The following GCNT2 variants were observed in gnomAD, a reference collection of about 807,000 sequenced individuals.
GCNT2 encodes the protein N-acetyllactosaminide beta-1,6-N-acetylglucosaminyl-transferase.
A neutral mutation model predicts 34.2 loss-of-function variants in GCNT2; 34 were observed. The ratio of observed to expected loss-of-function variants is 1.00; its 90% CI spans 0.76 to 1.32. The LOEUF is 1.32. GCNT2 is among the 40% of genes most tolerant of loss of function. The probability of loss-of-function intolerance (pLI) is 0.00; values close to 1 mark genes in which losing one functional copy is unlikely to be tolerated. For synonymous variants in GCNT2, 212 were observed against 188.0 expected (o/e 1.13, Z -1.04); for missense variants, 584 against 489.4 (o/e 1.19, Z -1.82).
At chr6:10,532,591 C>T (rs754351069) in intron 3 of GCNT2, among the ~76,000 whole-genome samples, 5 of 152,186 alleles carry the variant, frequency 3.3e-5, no homozygotes, top group Non-Finnish European at 5.9e-5. Flanking sequence ...CAGGCTCAAG[C>T]CTTCCAAGAG....
chr6:10,586,163 CTT>C (rs746491232), intron 3 of GCNT2: 1 of 1,614,166 alleles, frequency 6.2e-7, no homozygotes, highest in South Asian at 1.1e-5. Context: ...AAATGCCAGT[CTT>C]TTTGTGGGAA....
chr6:10,533,513 TGTG>T (rs1761596778), intron 3 of GCNT2, among the ~76,000 whole-genome samples: 1 of 151,534 alleles, frequency 6.6e-6, no homozygotes, highest in Non-Finnish European at 1.5e-5. Context: ...TTATGCCAGG[TGTG>T]GTGGCTCTCG....
At chr6:10,538,529 A>G (rs1761887941) in intron 3 of GCNT2, among the ~76,000 whole-genome samples, 1 of 149,782 alleles carries the variant, frequency 6.7e-6, no homozygotes, top group Non-Finnish European at 1.5e-5. Context: ...TTAAATATAA[A>G]CCCTGATAGA....
chr6:10,579,740 C>T (rs1018245262), intron 3 of GCNT2, among the ~76,000 whole-genome samples: 5 of 145,940 alleles, frequency 3.4e-5, no homozygotes, highest in Admixed American at 1.5e-4. Context: ...GGCTTGAACC[C>T]GGAAGGCGGA....
rs761874338 is a variant in GCNT2, at chr6:10,566,182, CT to C, written c.925+36360del. Among the ~76,000 whole-genome samples the C allele has an allele frequency of 6.9e-3, 988 of 144,002 alleles. 1 individual carries two copies. The highest frequency in any genetic ancestry group is 9.5e-3 in the African/African-American group (376 of 39,482). The allele number at this position is 144,002 out of a possible 152,430, so 94.5% of individuals were successfully genotyped here. A position where few individuals can be genotyped will look rare whatever the true frequency, so the allele number is the denominator to read the frequency against. ...CTATCCTGCATCTGATTGATGTGTG[CT>C]TTTTTTTTTTTTTAATTCAGCTTAG... On this transcript the variant is annotated intron_variant, in intron 3 of 4. Coordinates refer to ENST00000495262, the MANE Select transcript of GCNT2 (RefSeq NM_145649.5).
At chr6:10,557,842 A>G (rs566574316) in intron 3 of GCNT2, 1 of 154,626 alleles carries the variant, frequency 6.5e-6, no homozygotes, top group African/African-American at 2.4e-5. Context: ...ACTACTAAGT[A>G]ATACCTTTCC....
chr6:10,524,195 C>T (rs1761076174), intron 1 of GCNT2, among the ~76,000 whole-genome samples: 1 of 151,490 alleles, frequency 6.6e-6, no homozygotes, highest in Non-Finnish European at 1.5e-5. Context: ...TCAACGGCTC[C>T]AAGCCTGTTA....
At chr6:10,617,751 T>TTTTTTTTTTTTTTG (rs1765851906) in intron 3 of GCNT2, among the ~76,000 whole-genome samples, 1 of 16,864 alleles carries the variant, frequency 5.9e-5, no homozygotes, top group African/African-American at 1.8e-4. Flanking sequence ...GCATTTCTTC[T>TTTTTTTTTTTTTTG]TTTTTTTTTT....
intron 3 of GCNT2, among the ~76,000 whole-genome samples, chr6:10,578,682 G>C (rs951500558): frequency 6.6e-6 from 1 of 152,000 alleles, no homozygotes; most frequent in Admixed American, 6.5e-5. Context: ...TCCTGACCTC[G>C]TGATCCGCCT....
intron 3 of GCNT2, among the ~76,000 whole-genome samples, chr6:10,610,912 C>T (rs894119926): frequency 1.3e-5 from 2 of 152,056 alleles, no homozygotes; most frequent in African/African-American, 4.8e-5. Flanking sequence ...CAGGGGTTTT[C>T]CTCCTTTCTT....
intron 3 of GCNT2, among the ~76,000 whole-genome samples, chr6:10,589,281 C>T (rs1167898321): frequency 1.7e-5 from 2 of 116,300 alleles, no homozygotes; most frequent in Admixed American, 9.2e-5. Context: ...GTGTGTGTTT[C>T]TAGTGTGTGT....
At chr6:10,574,428 A>G (rs1349181738) in intron 3 of GCNT2, among the ~76,000 whole-genome samples, 2 of 152,230 alleles carry the variant, frequency 1.3e-5, no homozygotes, top group Admixed American at 6.5e-5. Context: ...TACATTCTCT[A>G]CAAATCCACC....
At chr6:10,522,602 C>A (rs1019358337) in intron 1 of GCNT2, among the ~76,000 whole-genome samples, 1 of 152,142 alleles carries the variant, frequency 6.6e-6, no homozygotes, top group African/African-American at 2.4e-5. Flanking sequence ...TCTGATTGAA[C>A]AGCATATTGC....
chr6:10,597,415 A>G (rs1764905082), intron 3 of GCNT2, among the ~76,000 whole-genome samples: 2 of 151,956 alleles, frequency 1.3e-5, no homozygotes, highest in Non-Finnish European at 2.9e-5. Flanking sequence ...TCAGCCCCCC[A>G]GAGTGCTGGG....
chr6:10,569,878 T>TTTCCTTC (rs1561807436), intron 3 of GCNT2, among the ~76,000 whole-genome samples: 1,592 of 144,234 alleles, frequency 0.011, 23 homozygotes, highest in African/African-American at 0.038. Flanking sequence ...TCTTTCTTTC[T>TTTCCTTC]CTTTCTTTTT....
chr6:10,549,243 C>A (rs1285148252), intron 3 of GCNT2, among the ~76,000 whole-genome samples: 1 of 152,142 alleles, frequency 6.6e-6, no homozygotes, highest in Non-Finnish European at 1.5e-5. Flanking sequence ...GCTGAGAAAC[C>A]CTGCTCTATA....
chr6:10,613,136 C>G (rs1241659509), intron 3 of GCNT2, among the ~76,000 whole-genome samples: 1 of 152,078 alleles, frequency 6.6e-6, no homozygotes, highest in Non-Finnish European at 1.5e-5. Context: ...ATAGTTCTCC[C>G]AAAATGAGGA....
chr6:10,534,139 CTCTTTTTTTTT>C (rs1205270943), intron 3 of GCNT2, among the ~76,000 whole-genome samples: 1 of 123,152 alleles, frequency 8.1e-6, no homozygotes, highest in Admixed American at 8.8e-5. Flanking sequence ...TTCCATGCTG[CTCTTTTTTTTT>C]TTTTTTTTTA....
chr6:10,577,893 G>A (rs897162686), intron 3 of GCNT2, among the ~76,000 whole-genome samples: 1 of 152,040 alleles, frequency 6.6e-6, no homozygotes, highest in African/African-American at 2.4e-5. Context: ...ACTTCGTGGT[G>A]GTAGGAGGTG....
Sources: allele counts gnomAD v4.1 joint callset (sites outside exome capture counted in the v4.1 genomes callset), GRCh38; gene constraint gnomAD v4.1.1; transcripts MANE v1.5; gene names NCBI Gene and HGNC (gene_info 2026-07-23, HGNC 2026-07-21).